Variants in PLCL2 observed in about 807,000 individuals in gnomAD.
PLCL2 encodes inactive phospholipase C-like protein 2.
PLCL2 carries 4 observed loss-of-function variants against 79.6 expected under a neutral mutation model. That is an observed-to-expected ratio of 0.05 (90% CI 0.02 to 0.11). PLCL2 has a LOEUF of 0.11. Ranked by LOEUF, PLCL2 falls within the 10% of genes least tolerant of loss-of-function variation. The pLI is 1.00. For missense variants in PLCL2, 895 were observed against 1,291.0 expected (o/e 0.69, Z 4.70); for synonymous variants, 484 against 457.7 (o/e 1.06, Z -0.73).
At position 16,934,035 on chromosome 3, in the gene PLCL2, C is replaced by T. The variant is rs147086044; in HGVS notation, c.327+48669C>T. Among the ~76,000 whole-genome samples the T allele has an allele frequency of 4.1e-3, 631 of 152,234 alleles. 3 individuals carry two copies. Among genetic ancestry groups the T allele is most frequent in the Non-Finnish European group, 7.0e-3 (478 of 68,000 alleles). On this transcript the variant is annotated intron_variant, in intron 1 of 5. Coordinates refer to ENST00000615277, the MANE Select transcript of PLCL2 (RefSeq NM_001144382.2). ...TGAGCCCAGATTGCACCACTGCACT[C>T]CAGCCTGAACGACAGAGTGAGACTG...
chr3:16,954,813 C>T (rs1254850377), intron 1 of PLCL2, among the ~76,000 whole-genome samples: 1 of 152,180 alleles, frequency 6.6e-6, no homozygotes, highest in Non-Finnish European at 1.5e-5. Flanking sequence ...TTTTTGGCTG[C>T]ATAAATGTCT....
intron 1 of PLCL2, among the ~76,000 whole-genome samples, chr3:16,926,089 G>A (rs935724182): frequency 2.0e-5 from 3 of 152,210 alleles, no homozygotes; most frequent in African/African-American, 7.2e-5. Context: ...ATGTCTGCAT[G>A]AAAACAGTTA....
chr3:17,038,973 G>A (rs1032859945), intron 3 of PLCL2, among the ~76,000 whole-genome samples: 6 of 152,280 alleles, frequency 3.9e-5, no homozygotes, highest in African/African-American at 1.4e-4. Context: ...AGATTACCTT[G>A]AAAGGTTGCT....
At chr3:16,910,490 T>G (rs1223753443) in intron 1 of PLCL2, among the ~76,000 whole-genome samples, 1 of 152,126 alleles carries the variant, frequency 6.6e-6, no homozygotes, top group African/African-American at 2.4e-5. Context: ...TCCTCCTGTC[T>G]CACGCATCAG....
At chr3:17,019,473 A>G (rs774650318) in intron 3 of PLCL2, among the ~76,000 whole-genome samples, 1 of 152,170 alleles carries the variant, frequency 6.6e-6, no homozygotes, top group Admixed American at 6.6e-5. Flanking sequence ...TCTCTGTCCA[A>G]TTTTTTTCTG....
intron 4 of PLCL2, among the ~76,000 whole-genome samples, chr3:17,045,017 G>T (rs2064766042): frequency 1.3e-5 from 2 of 152,272 alleles, no homozygotes; most frequent in South Asian, 4.1e-4. Flanking sequence ...CACAGTTACT[G>T]ATGAACGCCT....
chr3:17,049,383 T>C (rs934050923), intron 4 of PLCL2, among the ~76,000 whole-genome samples: 1 of 151,950 alleles, frequency 6.6e-6, no homozygotes, highest in African/African-American at 2.4e-5. Context: ...AATCATTGAG[T>C]CAAATTATCC....
At chr3:16,921,229 C>T (rs1697118601) in intron 1 of PLCL2, among the ~76,000 whole-genome samples, 1 of 151,968 alleles carries the variant, frequency 6.6e-6, no homozygotes, top group African/African-American at 2.4e-5. Flanking sequence ...TGGACTGTTC[C>T]AGAATAAGGT....
At chr3:17,024,442 A>G (rs1161691301) in intron 3 of PLCL2, among the ~76,000 whole-genome samples, 1 of 152,176 alleles carries the variant, frequency 6.6e-6, no homozygotes, top group Non-Finnish European at 1.5e-5. Context: ...ACTACTGGCA[A>G]TAGTATAAAG....
At chr3:17,043,555 A>C (rs1461073061) in intron 4 of PLCL2, among the ~76,000 whole-genome samples, 1 of 152,070 alleles carries the variant, frequency 6.6e-6, no homozygotes, top group Non-Finnish European at 1.5e-5. Flanking sequence ...CACAAAATGG[A>C]GTTCTTTTAA....
chr3:16,990,863 G>A (rs2064098149), intron 1 of PLCL2, among the ~76,000 whole-genome samples: 2 of 152,182 alleles, frequency 1.3e-5, no homozygotes, highest in South Asian at 4.1e-4. Flanking sequence ...AATTATTACA[G>A]GTAGTGGAAG....
intron 1 of PLCL2, among the ~76,000 whole-genome samples, chr3:16,961,405 A>G (rs2063753721): frequency 6.6e-6 from 1 of 152,366 alleles, no homozygotes; most frequent in East Asian, 1.9e-4. Flanking sequence ...ATAGAGACTG[A>G]CAAGTCAACA....
intron 1 of PLCL2, among the ~76,000 whole-genome samples, chr3:16,943,558 A>G (rs1445326778): frequency 6.6e-6 from 1 of 152,246 alleles, no homozygotes; most frequent in Non-Finnish European, 1.5e-5. Flanking sequence ...AAAGGCTTAT[A>G]AAAGAAAGTG....
At chr3:17,074,753 T>A (rs1325076362) in intron 5 of PLCL2, among the ~76,000 whole-genome samples, 1 of 152,232 alleles carries the variant, frequency 6.6e-6, no homozygotes, top group African/African-American at 2.4e-5. Context: ...GTGGTGGAGA[T>A]GGCTTATTTC....
intron 1 of PLCL2, among the ~76,000 whole-genome samples, chr3:16,904,226 G>A (rs574863150): frequency 1.3e-5 from 2 of 150,454 alleles, no homozygotes; most frequent in Admixed American, 1.3e-4. Context: ...CATTTGATGC[G>A]TTGACTGCCC....
At chr3:16,894,025 A>G (rs1247987047) in intron 1 of PLCL2, among the ~76,000 whole-genome samples, 2 of 152,152 alleles carry the variant, frequency 1.3e-5, no homozygotes, top group East Asian at 1.9e-4. Context: ...CTTTTGACCA[A>G]TTAGTGTGGT....
chr3:16,953,059 A>G (rs774540082), intron 1 of PLCL2, among the ~76,000 whole-genome samples: 18 of 152,172 alleles, frequency 1.2e-4, no homozygotes, highest in African/African-American at 4.3e-4. Flanking sequence ...AATGAATTGC[A>G]TTATATATAA....
intron 1 of PLCL2, among the ~76,000 whole-genome samples, chr3:16,926,635 A>C: frequency 6.6e-6 from 1 of 151,320 alleles, no homozygotes. Flanking sequence ...TATAATCAAA[A>C]CCTTTTTTTT....
At chr3:17,014,310 G>T (rs1027166166) in intron 2 of PLCL2, among the ~76,000 whole-genome samples, 1 of 152,088 alleles carries the variant, frequency 6.6e-6, no homozygotes, top group African/African-American at 2.4e-5. Context: ...TGGCATATTT[G>T]ATACTTATTT....
Sources: allele counts gnomAD v4.1 joint callset (sites outside exome capture counted in the v4.1 genomes callset), GRCh38; gene constraint gnomAD v4.1.1; transcripts MANE v1.5; gene names NCBI Gene and HGNC (gene_info 2026-07-23, HGNC 2026-07-21).